Variants in PHF24 observed in about 807,000 individuals in gnomAD.
PHF24 encodes PHD finger protein 24, also known as Galpha inhibitory interacting protein.
PHF24 carries 25 observed loss-of-function variants against 42.6 expected under a neutral mutation model. That is an observed-to-expected ratio of 0.59 (90% CI 0.43 to 0.82). The LOEUF is 0.82. Among genes scored for constraint, PHF24 ranks in the 40% least tolerant of loss-of-function variants. The pLI is 0.00. For missense variants in PHF24, 470 were observed against 538.1 expected, an observed-to-expected ratio of 0.87 and a Z score of 1.25; for synonymous variants, 185 against 204.8, an observed-to-expected ratio of 0.90 and a Z score of 0.83.
the PHF24 span, chr9:34,892,693 C>T: frequency 4.6e-5 from 21 of 457,602 alleles, no homozygotes; most frequent in Non-Finnish European, 7.7e-5. Flanking sequence ...AGTTGTTTTT[C>T]GTCCTCTCCT....
At chr9:34,725,097 A>C in the PHF24 span, 1 of 1,551,374 alleles carries the variant, frequency 6.4e-7, no homozygotes, top group African/African-American at 1.4e-5. Flanking sequence ...TCTGGAATGC[A>C]GGGAAAAGGA....
At chr9:34,737,667 C>T in the PHF24 span, among the ~76,000 whole-genome samples, 7 of 152,168 alleles carry the variant, frequency 4.6e-5, no homozygotes, top group Non-Finnish European at 7.4e-5. Flanking sequence ...CAATGTATGA[C>T]GAACCCTAAT....
chr9:34,974,889 T>G (rs926414329), intron 3 of PHF24, among the ~76,000 whole-genome samples: 1 of 152,146 alleles, frequency 6.6e-6, no homozygotes, highest in Non-Finnish European at 1.5e-5. Context: ...CAATTCCAGT[T>G]CAATCTCTCC....
At chr9:34,874,569 A>G in the PHF24 span, among the ~76,000 whole-genome samples, 11 of 152,152 alleles carry the variant, frequency 7.2e-5, no homozygotes, top group East Asian at 1.9e-3. Context: ...TTGTTATAGC[A>G]TGAGTATATC....
the PHF24 span, among the ~76,000 whole-genome samples, chr9:34,932,378 C>T: frequency 2.0e-5 from 3 of 152,172 alleles, no homozygotes; most frequent in African/African-American, 7.2e-5. Context: ...CTGCAGAGGG[C>T]AAATGGGCAG....
chr9:34,684,925 C>G, the PHF24 span, among the ~76,000 whole-genome samples: 2 of 152,108 alleles, frequency 1.3e-5, no homozygotes, highest in Admixed American at 1.3e-4. Flanking sequence ...GACCCAAAGG[C>G]CCTAGAAGTA....
the PHF24 span, among the ~76,000 whole-genome samples, chr9:34,679,185 G>T: frequency 3.3e-5 from 5 of 152,226 alleles, no homozygotes; most frequent in African/African-American, 9.6e-5. Context: ...CAGTGCCATT[G>T]TCTCTCACTT....
chr9:34,962,659 G>A (rs538482731), intron 1 of PHF24, among the ~76,000 whole-genome samples: 208 of 152,336 alleles, frequency 1.4e-3, no homozygotes, highest in African/African-American at 4.7e-3. Flanking sequence ...GTGTTTCAGG[G>A]AACCAGAGCA....
chr9:34,745,610 C>T, the PHF24 span, among the ~76,000 whole-genome samples: 3 of 150,698 alleles, frequency 2.0e-5, no homozygotes, highest in African/African-American at 7.3e-5. Context: ...CCAGAAATAC[C>T]CCATACTGAT....
At chr9:34,935,962 C>T in the PHF24 span, among the ~76,000 whole-genome samples, 9 of 151,422 alleles carry the variant, frequency 5.9e-5, no homozygotes, top group African/African-American at 1.5e-4. Flanking sequence ...AAGTGATTCC[C>T]GTGCCAAGTA....
the PHF24 span, chr9:34,689,730 G>A: frequency 2.7e-6 from 4 of 1,495,494 alleles, no homozygotes; most frequent in South Asian, 3.5e-5. This position sits in a 1 kb window ranked among gnomAD's most constrained non-coding sequence, Gnocchi z 4.1. Context: ...TGGAAGCCTG[G>A]TCCTTCCTTC....
intron 1 of PHF24, among the ~76,000 whole-genome samples, chr9:34,961,669 T>C (rs1464216827): frequency 6.6e-6 from 1 of 152,242 alleles, no homozygotes; most frequent in Non-Finnish European, 1.5e-5. Flanking sequence ...GAAACTCAGC[T>C]GCTGTGCTAT....
At chr9:34,929,830 G>T in the PHF24 span, among the ~76,000 whole-genome samples, 1 of 152,136 alleles carries the variant, frequency 6.6e-6, no homozygotes, top group South Asian at 2.1e-4. Flanking sequence ...TGGCCTCCCC[G>T]ACTCTTCATC....
chr9:34,912,334 A>G, the PHF24 span, among the ~76,000 whole-genome samples: 1 of 152,208 alleles, frequency 6.6e-6, no homozygotes, highest in African/African-American at 2.4e-5. Context: ...CTGTATGATT[A>G]TGGTGGCCAC....
chr9:34,821,268 A>C, the PHF24 span, among the ~76,000 whole-genome samples: 1 of 152,122 alleles, frequency 6.6e-6, no homozygotes, highest in African/African-American at 2.4e-5. Flanking sequence ...ATGATTTAAA[A>C]CATTTTATTT....
the PHF24 span, among the ~76,000 whole-genome samples, chr9:34,682,150 A>ATTTTTTTTTTTT: frequency 2.1e-5 from 2 of 93,098 alleles, no homozygotes; most frequent in African/African-American, 4.3e-5. Context: ...AATTATTTCT[A>ATTTTTTTTTTTT]TTTTTTTTTT....
the PHF24 span, among the ~76,000 whole-genome samples, chr9:34,684,140 T>C: frequency 6.6e-6 from 1 of 152,178 alleles, no homozygotes; most frequent in Non-Finnish European, 1.5e-5. Flanking sequence ...CACACTTTTG[T>C]TTATTTGCCT....
At chr9:34,712,020 TAA>T in the PHF24 span, among the ~76,000 whole-genome samples, 1 of 152,202 alleles carries the variant, frequency 6.6e-6, no homozygotes, top group East Asian at 1.9e-4. Context: ...ATGAACTTCC[TAA>T]GTTTTGTTTA....
the PHF24 span, among the ~76,000 whole-genome samples, chr9:34,704,558 G>A: frequency 1.3e-5 from 2 of 152,228 alleles, no homozygotes; most frequent in East Asian, 3.9e-4. Context: ...GTATGGCCAG[G>A]CACAGTGGCT....
Sources: allele counts gnomAD v4.1 joint callset (sites outside exome capture counted in the v4.1 genomes callset), GRCh38; gene constraint gnomAD v4.1.1; non-coding constraint Gnocchi (gnomAD v3.1); transcripts MANE v1.5; gene names NCBI Gene and HGNC (gene_info 2026-07-23, HGNC 2026-07-21).